EFCAB3: variants seen among roughly 807,000 people sequenced by gnomAD.
The protein encoded by EFCAB3 is EF-hand calcium-binding domain-containing protein 3.
A neutral mutation model predicts 42.2 loss-of-function variants in EFCAB3; 36 were observed. The ratio of observed to expected loss-of-function variants is 0.85; its 90% CI spans 0.65 to 1.13. The LOEUF (loss-of-function observed/expected upper bound fraction) is 1.13. EFCAB3 is among the 50% of genes most tolerant of loss of function. The pLI, the probability that EFCAB3 is intolerant of heterozygous loss-of-function variation, is 0.00. For synonymous variants in EFCAB3, 170 were observed against 172.8 expected (o/e 0.98, Z 0.13); for missense variants, 418 against 505.1 (o/e 0.83, Z 1.65).
At position 62,413,943 on chromosome 17, in the gene EFCAB3, T is replaced by G. The variant is rs1185455706; in HGVS notation, c.990+89T>G. ...CTACACCATAAAACCAAGAGAATTT[T>G]TATCTGCTCTATGTCTTTAAAATGA... On this transcript the variant is annotated intron_variant, in intron 9 of 9. Coordinates refer to ENST00000305286, the MANE Select transcript of EFCAB3 (RefSeq NM_173503.4). 2.2e-6 allele frequency: 3 copies of G among 1,379,668 alleles called. No individual in the cohort carries two copies. The African/African-American group carries it at 4.3e-5, about 20-fold the overall frequency. The allele number at this position is 1,379,668 out of a possible 1,614,324, so 85.5% of individuals were successfully genotyped here.
Position 62,416,037 on chromosome 17 carries a change from T to C in EFCAB3, c.1025T>C (p.Ile342Thr). The C allele has an allele frequency of 6.2e-7, 1 of 1,613,662 alleles. No homozygotes were observed. The highest frequency in any genetic ancestry group is 2.2e-5 in the East Asian group (1 of 44,876). ...KRATDTYNLG[I>T]ALEHRKEMLN... ...GCTACTGATACCTATAATTTAGGAA[T>C]TGCCCTTGAACACCGAAAAGAGATG... is the stretch of plus-strand genomic sequence containing the variant. Residue 342 changes from isoleucine to threonine, a missense_variant, in exon 10 of 10, where the codon ATT (isoleucine) becomes ACT (threonine). Coordinates refer to ENST00000305286, the MANE Select transcript of EFCAB3 (RefSeq NM_173503.4).
At chr17:62,378,056 G>A (rs894006446), upstream of EFCAB3, 22 of 1,507,128 alleles carry the variant, frequency 1.5e-5, 1 homozygote, top group South Asian at 2.0e-4. Context: ...TTGTAAAGAT[G>A]GGGCTTAATA....
chr17:62,405,896 C>A (rs1302325285), intron 6 of EFCAB3, among the ~76,000 whole-genome samples: 2 of 152,062 alleles, frequency 1.3e-5, no homozygotes, highest in African/African-American at 2.4e-5. Flanking sequence ...ATTTTCTTTT[C>A]TTTTTTATAC....
intron 6 of EFCAB3, among the ~76,000 whole-genome samples, chr17:62,402,781 G>C (rs1191512181): frequency 6.6e-6 from 1 of 152,178 alleles, no homozygotes; most frequent in Non-Finnish European, 1.5e-5. Context: ...CCAGGCTTTG[G>C]TATCAGGATG....
chr17:62,384,349 TGCCTGGCC>T lies in EFCAB3; in HGVS notation c.74+1297_74+1304del, dbSNP rs1426862208. 2.8e-4 allele frequency among the ~76,000 whole-genome samples: 42 copies of T among 152,326 alleles called. 1 individual carries two copies. The highest frequency in any genetic ancestry group is 9.6e-4 in the African/African-American group (40 of 41,576). On this transcript the variant is annotated intron_variant, in intron 2 of 9. Transcript: ENST00000305286. ...AAGACAGATAATAAGAACTTTACAT[TGCCTGGCC>T]TAGCACGGTGGCTCACATCTGTAAT...
chr17:62,384,504 A>G lies in EFCAB3; in HGVS notation c.74+1451A>G, dbSNP rs551453475. Among the ~76,000 whole-genome samples the G allele has an allele frequency of 9.2e-5, 14 of 152,202 alleles. No individual in the cohort carries two copies. The South Asian group carries it at 2.7e-3, about 29-fold the overall frequency. ...GTGGTGCACACTTGTAGTCCCAGCT[A>G]CTCAAGGGGCTGAGGTGGGAGGATT... On this transcript the variant is annotated intron_variant, in intron 2 of 9. Transcript: ENST00000305286.
Position 62,380,593 on chromosome 17 carries a change from G to A in EFCAB3, c.-38G>A. The stretch of plus-strand genomic sequence containing the variant: ...ATCTGATTGAAGCCCAGAAGTGGTA[G>A]GTAGCACGGCTTAAAAGTAGGTAAA... On this transcript the variant is annotated 5_prime_UTR_variant, in exon 1 of 10. Coordinates refer to ENST00000305286, the MANE Select transcript of EFCAB3 (RefSeq NM_173503.4). 1 of 985,394 alleles carries A rather than the reference G, an allele frequency of 1.0e-6. No individual in the cohort carries two copies. The allele number at this position is 985,394 out of a possible 1,614,324, so 61.0% of individuals were successfully genotyped here.
intron 2 of EFCAB3, 109 bp downstream of exon 2, chr17:62,383,162 C>A: frequency 1.9e-6 from 2 of 1,034,420 alleles, no homozygotes; most frequent in Non-Finnish European, 1.4e-6. Flanking sequence ...TACTGGGAAG[C>A]CCCTAAAAAA....
At chr17:62,370,319 A>T (rs1167638400) in exon 1 of EFCAB3, 1 of 1,551,514 alleles carries the variant, frequency 6.4e-7, no homozygotes, top group African/African-American at 1.4e-5. Context: ...TTTGACATTT[A>T]ACGGTGAGGT....
chr17:62,392,097 T>C (rs535622256), intron 4 of EFCAB3, 132 bp downstream of exon 4: 17 of 529,532 alleles, frequency 3.2e-5, no homozygotes, highest in South Asian at 2.8e-4. Context: ...TATATTTGTG[T>C]GTATATATAT....
chr17:62,397,459 G>C (rs2144089620), intron 6 of EFCAB3: 1 of 547,640 alleles, frequency 1.8e-6, no homozygotes, highest in Middle Eastern at 3.2e-4. Flanking sequence ...GAGACCAGAA[G>C]TGGCATGAAA....
At chr17:62,374,946 C>G (rs1278908952) in intron 2 of EFCAB3, among the ~76,000 whole-genome samples, 1 of 152,118 alleles carries the variant, frequency 6.6e-6, no homozygotes, top group Non-Finnish European at 1.5e-5. Flanking sequence ...AACTCCATCT[C>G]TACACAAAAT....
At position 62,416,275 on chromosome 17, in the gene EFCAB3, C is replaced by A. The variant is rs1340223386; in HGVS notation, c.1263C>A (p.Tyr421Ter). The A allele has an allele frequency of 1.2e-6, 2 of 1,613,426 alleles. No homozygotes were observed. The highest frequency in any genetic ancestry group is 1.7e-6 in the Non-Finnish European group (2 of 1,179,796). Residue 421 changes from tyrosine (Y) to a stop codon, truncating the protein, a stop_gained, in exon 10 of 10, where the codon TAC becomes TAA. Transcript: ENST00000305286. LOFTEE classifies it high-confidence loss of function. ...CCTCATCAGATACCAGTGAATGTTA[C>A]ACAGACTCAGGAAGAAAAAGAAAAC... ...SSSSSDTSEC[Y>*]TDSGRKRKRK...
chr17:62,373,642 T>A (rs1031366560), intron 1 of EFCAB3, among the ~76,000 whole-genome samples: 1 of 152,150 alleles, frequency 6.6e-6, no homozygotes, highest in Non-Finnish European at 1.5e-5. Context: ...TCTTTTTTTT[T>A]CCATCATATT....
intron 8 of EFCAB3, among the ~76,000 whole-genome samples, chr17:62,412,935 C>G (rs558438355): frequency 6.6e-6 from 1 of 152,174 alleles, no homozygotes; most frequent in Non-Finnish European, 1.5e-5. Context: ...AAATAATGCA[C>G]TGAGTAGGCA....
rs375619622 is a variant in EFCAB3, at chr17:62,413,843, A to G, written c.979A>G (p.Ile327Val). The G allele has an allele frequency of 3.1e-6, 5 of 1,610,898 alleles. No homozygotes were observed. Among genetic ancestry groups the G allele is most frequent in the South Asian group, 2.2e-5 (2 of 90,540 alleles). ...QTCTVADATA[I>V]KQHVKRATDT... ...TTGTACAGTGGCCGATGCAACTGCT[A>G]TTAAACAACATGTGAGTATTCCTTG... is the stretch of plus-strand genomic sequence containing the variant. The change falls in exon 9 of 10, where the codon ATT (isoleucine) becomes GTT (valine). Residue 327 changes from isoleucine (I) to valine (V), a missense_variant. Ile to Val is a conservative substitution (Grantham distance 29). Transcript: ENST00000305286.
chr17:62,389,011 A>G (rs2070279960), intron 3 of EFCAB3, among the ~76,000 whole-genome samples: 3 of 152,350 alleles, frequency 2.0e-5, no homozygotes, highest in Admixed American at 6.5e-5. Context: ...ACAGATCCCT[A>G]GAAACAGGGC....
intron 6 of EFCAB3, chr17:62,398,203 C>T (rs1598015336): frequency 2.2e-5 from 4 of 181,042 alleles, no homozygotes; most frequent in Non-Finnish European, 4.8e-5. Flanking sequence ...TCTGTAATTC[C>T]AACACTTTGG....
chr17:62,412,435 A>C (rs968374539), intron 8 of EFCAB3, among the ~76,000 whole-genome samples: 13 of 151,408 alleles, frequency 8.6e-5, no homozygotes, highest in African/African-American at 2.7e-4. Flanking sequence ...TATAACTTTA[A>C]TGTGATTTTT....
Sources: allele counts gnomAD v4.1 joint callset (sites outside exome capture counted in the v4.1 genomes callset), GRCh38; gene constraint gnomAD v4.1.1; transcripts MANE v1.5; gene names NCBI Gene and HGNC (gene_info 2026-07-23, HGNC 2026-07-21).